SEMA5A: variants seen among roughly 807,000 people sequenced by gnomAD.
The protein encoded by SEMA5A is semaphorin 5A.
SEMA5A carries 55 observed loss-of-function variants against 135.5 expected under a neutral mutation model. The observed-to-expected ratio is 0.41, with a 90% CI of 0.33 to 0.51. SEMA5A has a LOEUF of 0.51. Ranked by LOEUF, SEMA5A falls within the 20% of genes least tolerant of loss-of-function variation. The pLI, the probability that SEMA5A is intolerant of heterozygous loss-of-function variation, is 0.37. For missense variants in SEMA5A, 1,290 were observed against 1,419.9 expected, an observed-to-expected ratio of 0.91 and a Z score of 1.47; for synonymous variants, 580 against 546.5, an observed-to-expected ratio of 1.06 and a Z score of -0.85.
At chr5:9,532,682 T>C (rs932914031) in intron 1 of SEMA5A, among the ~76,000 whole-genome samples, 10 of 152,172 alleles carry the variant, frequency 6.6e-5, no homozygotes, top group African/African-American at 2.4e-4. Context: ...TCTCCGATGA[T>C]TGGGGACGAG....
At chr5:9,166,463 G>A (rs1743614830) in intron 11 of SEMA5A, among the ~76,000 whole-genome samples, 1 of 152,116 alleles carries the variant, frequency 6.6e-6, no homozygotes, top group African/African-American at 2.4e-5. Context: ...ATGGTACCTG[G>A]TACACAGGAC....
intron 5 of SEMA5A, among the ~76,000 whole-genome samples, chr5:9,299,192 C>A (rs560197574): frequency 6.6e-6 from 1 of 152,160 alleles, no homozygotes; most frequent in Non-Finnish European, 1.5e-5. Flanking sequence ...CCTTAGAGAT[C>A]ATCTATTCAT....
intron 15 of SEMA5A, among the ~76,000 whole-genome samples, chr5:9,111,759 C>T (rs1267757084): frequency 6.6e-6 from 1 of 152,146 alleles, no homozygotes; most frequent in Non-Finnish European, 1.5e-5. Context: ...CTGGAAGAGA[C>T]TGTTCAGAGA....
At chr5:9,084,747 T>C (rs192163247) in intron 16 of SEMA5A, among the ~76,000 whole-genome samples, 60 of 152,300 alleles carry the variant, frequency 3.9e-4, no homozygotes, top group African/African-American at 1.2e-3. Flanking sequence ...GTGAGTGGGA[T>C]ACTGCTGAAA....
intron 8 of SEMA5A, among the ~76,000 whole-genome samples, chr5:9,213,613 C>G (rs1317955614): frequency 6.6e-6 from 1 of 152,178 alleles, no homozygotes; most frequent in Non-Finnish European, 1.5e-5. Flanking sequence ...TGGGCCAAAT[C>G]CTACCTGCTG....
intron 2 of SEMA5A, among the ~76,000 whole-genome samples, chr5:9,430,683 C>A (rs1757826207): frequency 6.6e-6 from 1 of 152,134 alleles, no homozygotes; most frequent in South Asian, 2.1e-4. Flanking sequence ...GATGACTGAG[C>A]CTCGACTGCT....
At chr5:9,135,036 T>C (rs1741652156) in intron 13 of SEMA5A, among the ~76,000 whole-genome samples, 1 of 152,194 alleles carries the variant, frequency 6.6e-6, no homozygotes, top group Non-Finnish European at 1.5e-5. Context: ...ACTAGGAAGC[T>C]GTCCAGAGCC....
At chr5:9,217,125 C>G (rs1042296981) in intron 8 of SEMA5A, among the ~76,000 whole-genome samples, 1 of 152,110 alleles carries the variant, frequency 6.6e-6, no homozygotes, top group Non-Finnish European at 1.5e-5. Flanking sequence ...AGCAGTCTTT[C>G]CTTTCTATAT....
At chr5:9,444,483 C>A (rs1419002350) in intron 1 of SEMA5A, among the ~76,000 whole-genome samples, 1 of 152,188 alleles carries the variant, frequency 6.6e-6, no homozygotes, top group African/African-American at 2.4e-5. Flanking sequence ...GAATAATAGA[C>A]TCTAATCTCA....
chr5:9,245,336 C>T (rs1748428623), intron 5 of SEMA5A, among the ~76,000 whole-genome samples: 1 of 152,074 alleles, frequency 6.6e-6, no homozygotes, highest in Admixed American at 6.5e-5. Context: ...AAGGTTCAGG[C>T]ATTCCCTGGG....
At chr5:9,128,294 A>T (rs895282715) in intron 13 of SEMA5A, among the ~76,000 whole-genome samples, 1 of 152,220 alleles carries the variant, frequency 6.6e-6, no homozygotes, top group Non-Finnish European at 1.5e-5. Context: ...CAGTTGGGCC[A>T]GTGCTGGGTC....
chr5:9,185,147 C>G (rs572864981), intron 11 of SEMA5A, among the ~76,000 whole-genome samples: 103 of 152,312 alleles, frequency 6.8e-4, no homozygotes, highest in Admixed American at 1.3e-3. Flanking sequence ...ATGCTGGTCT[C>G]AAACTTCTAG....
chr5:9,480,308 A>G (rs1759827720), intron 1 of SEMA5A, among the ~76,000 whole-genome samples: 1 of 152,236 alleles, frequency 6.6e-6, no homozygotes. Context: ...CTGAATCCAA[A>G]GCTGTTTTGA....
chr5:9,444,929 G>C (rs1241745073), intron 1 of SEMA5A, among the ~76,000 whole-genome samples: 1 of 152,198 alleles, frequency 6.6e-6, no homozygotes, highest in African/African-American at 2.4e-5. Context: ...GAATGAAGTG[G>C]TGTCTCTAGC....
intron 5 of SEMA5A, among the ~76,000 whole-genome samples, chr5:9,286,971 C>A (rs756948356): frequency 1.1e-4 from 17 of 152,178 alleles, no homozygotes; most frequent in Admixed American, 6.5e-5. Context: ...GCAGGCAAAA[C>A]AATCATAAGC....
chr5:9,224,961 CCAT>C, intron 7 of SEMA5A, 74 bp from the exon 8 acceptor site: 1 of 1,382,928 alleles, frequency 7.2e-7, no homozygotes. Flanking sequence ...GTCACACCCA[CCAT>C]CATCACAGTG....
In SEMA5A at chr5:9,041,417, C is replaced by A. The variant is rs972262980; in HGVS notation, c.*1480G>T. ...TCAGATGAACTTTTTCAGTCGTGTT[C>A]TTTTTTTCAATAATTATTCAACCAA... On this transcript the variant is annotated 3_prime_UTR_variant, in exon 23 of 23. Coordinates refer to ENST00000382496, the MANE Select transcript of SEMA5A (RefSeq NM_003966.3). 4 of 152,040 alleles carry A rather than the reference C, an allele frequency of 2.6e-5. No individual in the cohort carries two copies. Among genetic ancestry groups the A allele is most frequent in the Admixed American group, 6.5e-5 (1 of 15,270 alleles). The allele number at this position is 152,040 out of a possible 1,614,324, so 9.4% of individuals were successfully genotyped here.
At chr5:9,187,602 G>T (rs1004368744) in intron 11 of SEMA5A, among the ~76,000 whole-genome samples, 1 of 152,148 alleles carries the variant, frequency 6.6e-6, no homozygotes, top group East Asian at 1.9e-4. Context: ...AACTGTCAAA[G>T]AGTTCTACAT....
At chr5:9,353,241 A>AAGGG (rs1561177448) in intron 3 of SEMA5A, among the ~76,000 whole-genome samples, 1,843 of 95,138 alleles carry the variant, frequency 0.019, 151 homozygotes, top group South Asian at 0.036. Flanking sequence ...GAAAGGAAGG[A>AAGGG]AAGGGAAGGG....
Sources: gnomAD v4.1 joint callset for allele counts (sites outside exome capture counted in the v4.1 genomes callset) on GRCh38, gnomAD v4.1.1 for gene constraint, MANE v1.5 for transcripts, NCBI Gene and HGNC (gene_info 2026-07-23, HGNC 2026-07-21) for gene names.